Variants in RMST observed in about 807,000 individuals in gnomAD.
The protein encoded by RMST is rhabdomyosarcoma 2 associated transcript, also known as long intergenic non-protein coding RNA 54.
intron 10 of RMST, among the ~76,000 whole-genome samples, chr12:97,497,679 A>AT (rs113722074): frequency 0.095 from 13,517 of 142,986 alleles, 1,102 homozygotes; most frequent in African/African-American, 0.21. Flanking sequence ...CACAAGGATG[A>AT]TTTTTTTTTT....
intron 10 of RMST, among the ~76,000 whole-genome samples, chr12:97,513,676 G>C (rs1879650386): frequency 6.6e-6 from 1 of 152,098 alleles, no homozygotes; most frequent in Non-Finnish European, 1.5e-5. Context: ...ACTGCAATGA[G>C]TTTTATTTTT....
chr12:97,511,741 A>C (rs1879321741), intron 10 of RMST, among the ~76,000 whole-genome samples: 1 of 152,204 alleles, frequency 6.6e-6, no homozygotes, highest in Non-Finnish European at 1.5e-5. Context: ...GGAATGATTG[A>C]TCTACAGAGA....
At chr12:97,529,383 C>T (rs977214418) in intron 10 of RMST, among the ~76,000 whole-genome samples, 5 of 151,990 alleles carry the variant, frequency 3.3e-5, no homozygotes, top group African/African-American at 7.2e-5. Flanking sequence ...ATATAGTGCA[C>T]CACAACTGCA....
chr12:97,482,457 T>TAATGG (rs939597378), intron 5 of RMST, among the ~76,000 whole-genome samples: 9 of 152,106 alleles, frequency 5.9e-5, no homozygotes, highest in Admixed American at 3.3e-4. Flanking sequence ...CTTCCATTAG[T>TAATGG]AACTTTTTTT....
intron 11 of RMST, among the ~76,000 whole-genome samples, chr12:97,537,336 A>G (rs1233218944): frequency 2.0e-5 from 3 of 151,408 alleles, no homozygotes; most frequent in African/African-American, 2.4e-5. Flanking sequence ...ATTGAGGAAA[A>G]CATTTATAAA....
intron 13 of RMST, among the ~76,000 whole-genome samples, chr12:97,561,843 G>A (rs978174230): frequency 6.6e-6 from 1 of 151,866 alleles, no homozygotes; most frequent in African/African-American, 2.4e-5. Flanking sequence ...GATTCTCCCT[G>A]AAATGTGTGT....
At chr12:97,530,751 G>C (rs890361851) in exon 11 of RMST, 2 of 152,054 alleles carry the variant, frequency 1.3e-5, no homozygotes, top group African/African-American at 4.8e-5. Context: ...CCAGTGATAT[G>C]ATGGCCTTGT....
At chr12:97,507,277 T>C (rs1477790983) in intron 10 of RMST, among the ~76,000 whole-genome samples, 1 of 129,980 alleles carries the variant, frequency 7.7e-6, no homozygotes, top group Non-Finnish European at 1.5e-5. Context: ...TGTTTTTGTC[T>C]TTTTTTTTTT....
At chr12:97,542,927 T>A (rs1436261051) in intron 11 of RMST, among the ~76,000 whole-genome samples, 1 of 151,980 alleles carries the variant, frequency 6.6e-6, no homozygotes, top group Non-Finnish European at 1.5e-5. Flanking sequence ...GAGAAGTTAA[T>A]GAAGTTACCA....
At chr12:97,541,514 A>G (rs1049997950) in intron 11 of RMST, among the ~76,000 whole-genome samples, 1 of 151,754 alleles carries the variant, frequency 6.6e-6, no homozygotes, top group African/African-American at 2.4e-5. Context: ...ATTTATTAAG[A>G]TACCCTGACT....
intron 10 of RMST, among the ~76,000 whole-genome samples, chr12:97,518,450 T>C (rs938746137): frequency 2.0e-5 from 3 of 152,156 alleles, no homozygotes; most frequent in African/African-American, 7.2e-5. Flanking sequence ...TCTCCCAAAA[T>C]GCTTTAAAGG....
intron 10 of RMST, among the ~76,000 whole-genome samples, chr12:97,515,139 A>G (rs1222009795): frequency 6.6e-6 from 1 of 152,104 alleles, no homozygotes; most frequent in African/African-American, 2.4e-5. Context: ...TAAGAAGCCT[A>G]TGGGGAGCAG....
intron 11 of RMST, among the ~76,000 whole-genome samples, chr12:97,540,081 G>A (rs1565935533): frequency 6.6e-6 from 1 of 151,618 alleles, no homozygotes; most frequent in South Asian, 2.1e-4. Context: ...TGACTGCTTG[G>A]CGTATCCTGA....
chr12:97,557,436 A>G (rs1021031799), intron 11 of RMST, among the ~76,000 whole-genome samples: 2 of 152,140 alleles, frequency 1.3e-5, no homozygotes, highest in Admixed American at 1.3e-4. Flanking sequence ...TCTGAAAACA[A>G]ATAGAGTCTA....
chr12:97,504,143 C>T lies in RMST; in HGVS notation n.1340+8087C>T, dbSNP rs141835370. Among the ~76,000 whole-genome samples the T allele has an allele frequency of 2.8e-3, 428 of 152,210 alleles. 2 individuals carry two copies. The highest frequency in any genetic ancestry group is 9.7e-3 in the African/African-American group (405 of 41,550). On this transcript the variant is annotated intron_variant and non_coding_transcript_variant, in intron 10 of 13. Transcript: ENST00000640149. ...TCCTGGCCTCAAGTGATGGCTCACT[C>T]CTGTAACCCCGGCACTCTGGGAGGC... is the stretch of plus-strand genomic sequence containing the variant.
chr12:97,539,123 T>C, intron 11 of RMST, among the ~76,000 whole-genome samples: 1 of 151,590 alleles, frequency 6.6e-6, no homozygotes, highest in South Asian at 2.1e-4. Flanking sequence ...AAAATTTGTG[T>C]GCATTACAGT....
At chr12:97,523,972 A>G (rs1405052307) in intron 10 of RMST, among the ~76,000 whole-genome samples, 2 of 148,308 alleles carry the variant, frequency 1.3e-5, no homozygotes, top group African/African-American at 5.0e-5. Flanking sequence ...GCTACTTGGG[A>G]GACTGAAGCG....
chr12:97,531,115 T>C (rs1408033075), intron 11 of RMST, among the ~76,000 whole-genome samples: 1 of 151,968 alleles, frequency 6.6e-6, no homozygotes, highest in Admixed American at 6.6e-5. Context: ...CTAACTAATC[T>C]TTATCAGTTT....
chr12:97,511,924 G>A (rs190460419), intron 10 of RMST, among the ~76,000 whole-genome samples: 1 of 152,278 alleles, frequency 6.6e-6, no homozygotes, highest in East Asian at 1.9e-4. Context: ...AAATCAACAA[G>A]ACAATATTCA....
Sources: gnomAD v4.1 joint callset for allele counts (sites outside exome capture counted in the v4.1 genomes callset) on GRCh38, gnomAD v4.1.1 for gene constraint, MANE v1.5 for transcripts, NCBI Gene and HGNC (gene_info 2026-07-23, HGNC 2026-07-21) for gene names.